The following LHFPL6 variants were observed in gnomAD, a reference collection of about 807,000 sequenced individuals.
LHFPL6 encodes the protein LHFPL tetraspan subfamily member 6 protein.
In LHFPL6, 9 loss-of-function variants were observed where a neutral mutation model predicts 20.6. The ratio of observed to expected loss-of-function variants is 0.44; its 90% CI spans 0.26 to 0.76. LHFPL6 has a LOEUF of 0.76. Ranked by LOEUF, LHFPL6 falls within the 30% of genes least tolerant of loss-of-function variation. LHFPL6 has a pLI of 0.20. For missense variants in LHFPL6, 218 were observed against 253.5 expected (o/e 0.86, Z 0.95); for synonymous variants, 105 against 98.7 (o/e 1.06, Z -0.38).
intron 2 of LHFPL6, among the ~76,000 whole-genome samples, chr13:39,459,251 T>C (rs1343665061): frequency 6.7e-6 from 1 of 149,954 alleles, no homozygotes; most frequent in Non-Finnish European, 1.5e-5. Flanking sequence ...TTCGTGTGTA[T>C]TGTGTATGTG....
intron 3 of LHFPL6, among the ~76,000 whole-genome samples, chr13:39,377,344 G>C (rs540640983): frequency 6.6e-6 from 1 of 152,122 alleles, no homozygotes; most frequent in African/African-American, 2.4e-5. Context: ...TATTATAGGA[G>C]CCTTAGGTCT....
intron 2 of LHFPL6, among the ~76,000 whole-genome samples, chr13:39,440,637 G>C (rs1872094462): frequency 1.3e-5 from 2 of 152,078 alleles, no homozygotes; most frequent in African/African-American, 4.8e-5. Context: ...GTCTTGCTCT[G>C]TCACTCAGGC....
chr13:39,480,510 C>T (rs1868475495), intron 2 of LHFPL6, among the ~76,000 whole-genome samples: 1 of 152,188 alleles, frequency 6.6e-6, no homozygotes, highest in South Asian at 2.1e-4. Flanking sequence ...CCCTGAGATA[C>T]AGGCCATTTA....
At position 39,343,603 on chromosome 13, in the gene LHFPL6, T is replaced by TTGTGTG. The variant is rs67172252; in HGVS notation, c.*327_*332dup. ...ACCCTTGTTTGTATATGTAGATTTG[T>TTGTGTG]TGTGTGTGTGTGTGTGTGTGTGTGT... On this transcript the variant is annotated 3_prime_UTR_variant, in exon 4 of 4. Coordinates refer to ENST00000379589, the MANE Select transcript of LHFPL6 (RefSeq NM_005780.3). The TTGTGTG allele has an allele frequency of 0.019, 3,680 of 194,658 alleles. 37 individuals carry two copies. Among genetic ancestry groups the TTGTGTG allele is most frequent in the South Asian group, 0.028 (121 of 4,296 alleles). The allele number at this position is 194,658 out of a possible 1,614,324, so 12.1% of individuals were successfully genotyped here.
At chr13:39,400,774 C>T (rs534856252) in intron 2 of LHFPL6, among the ~76,000 whole-genome samples, 2 of 105,124 alleles carry the variant, frequency 1.9e-5, no homozygotes, top group East Asian at 3.3e-4. Context: ...CAGAGCGAGA[C>T]TCCGTCTCAA....
intron 3 of LHFPL6, among the ~76,000 whole-genome samples, chr13:39,377,267 G>A (rs1870314098): frequency 6.6e-6 from 1 of 152,204 alleles, no homozygotes; most frequent in Admixed American, 6.5e-5. Context: ...TCTTTACGAA[G>A]GGTCCTATGT....
At chr13:39,428,200 T>TCTGGCCTTATACATAATG (rs1871693068) in intron 2 of LHFPL6, among the ~76,000 whole-genome samples, 4 of 152,224 alleles carry the variant, frequency 2.6e-5, no homozygotes, top group Admixed American at 1.3e-4. Context: ...AATGTCTTTG[T>TCTGGCCTTATACATAATG]CTGGCCTTAT....
intron 3 of LHFPL6, among the ~76,000 whole-genome samples, chr13:39,365,434 T>C (rs971325528): frequency 2.6e-5 from 4 of 152,150 alleles, no homozygotes; most frequent in African/African-American, 7.2e-5. Flanking sequence ...TCTAAAAGGT[T>C]TTCCTTGATG....
chr13:39,595,361 C>T (rs1037822966), intron 2 of LHFPL6, among the ~76,000 whole-genome samples: 28 of 152,100 alleles, frequency 1.8e-4, no homozygotes, highest in African/African-American at 6.8e-4. Flanking sequence ...GGCACAATCT[C>T]GGCTCACTGC....
At chr13:39,410,225 G>C (rs758815893) in intron 2 of LHFPL6, among the ~76,000 whole-genome samples, 1 of 152,204 alleles carries the variant, frequency 6.6e-6, no homozygotes, top group Non-Finnish European at 1.5e-5. Flanking sequence ...TTTCACAACA[G>C]TTCAAAAATC....
intron 2 of LHFPL6, among the ~76,000 whole-genome samples, chr13:39,562,539 CACATATACATAT>C (rs1871550382): frequency 2.1e-5 from 3 of 144,434 alleles, no homozygotes; most frequent in Non-Finnish European, 4.5e-5. Flanking sequence ...CACATATATA[CACATATACATAT>C]ATACACATAC....
intron 2 of LHFPL6, among the ~76,000 whole-genome samples, chr13:39,438,766 G>A (rs887766818): frequency 3.3e-5 from 5 of 152,258 alleles, no homozygotes; most frequent in African/African-American, 1.2e-4. Context: ...GAGGGTGAAA[G>A]CCTTAAGCCT....
chr13:39,357,097 G>A (rs1025844492), intron 3 of LHFPL6, among the ~76,000 whole-genome samples: 1 of 152,176 alleles, frequency 6.6e-6, no homozygotes, highest in African/African-American at 2.4e-5. Flanking sequence ...GCTTGAACCT[G>A]GGAGGTGGAG....
intron 2 of LHFPL6, among the ~76,000 whole-genome samples, chr13:39,466,903 T>C (rs2138433439): frequency 6.6e-6 from 1 of 152,286 alleles, no homozygotes; most frequent in East Asian, 1.9e-4. Context: ...GAGCTAAACA[T>C]AGAAATTCTA....
intron 2 of LHFPL6, among the ~76,000 whole-genome samples, chr13:39,534,695 G>C (rs1252904510): frequency 6.6e-6 from 1 of 152,144 alleles, no homozygotes; most frequent in Non-Finnish European, 1.5e-5. Flanking sequence ...TGGAGACCTG[G>C]GGAGGTGGGG....
intron 2 of LHFPL6, among the ~76,000 whole-genome samples, chr13:39,552,655 T>G (rs1871173459): frequency 1.3e-5 from 2 of 152,192 alleles, no homozygotes; most frequent in Admixed American, 1.3e-4. Flanking sequence ...AAAACATCAT[T>G]AATAAGAATG....
intron 2 of LHFPL6, among the ~76,000 whole-genome samples, chr13:39,419,050 C>G (rs931436619): frequency 6.6e-6 from 1 of 152,128 alleles, no homozygotes; most frequent in Non-Finnish European, 1.5e-5. Context: ...ATGGTTAGGG[C>G]ATGGATTTAG....
At chr13:39,348,191 C>T (rs762260047) in intron 3 of LHFPL6, among the ~76,000 whole-genome samples, 1 of 152,132 alleles carries the variant, frequency 6.6e-6, no homozygotes, top group South Asian at 2.1e-4. Context: ...GAGCTACAGC[C>T]GATGCTGTAG....
intron 2 of LHFPL6, among the ~76,000 whole-genome samples, chr13:39,592,632 A>G (rs1227505801): frequency 6.6e-6 from 1 of 152,236 alleles, no homozygotes. Context: ...TGAGGCCAGC[A>G]TCATCCTGAT....
Sources: allele counts gnomAD v4.1 joint callset (sites outside exome capture counted in the v4.1 genomes callset), GRCh38; gene constraint gnomAD v4.1.1; transcripts MANE v1.5; gene names NCBI Gene and HGNC (gene_info 2026-07-23, HGNC 2026-07-21).